The following TMEM61 variants were observed in gnomAD, a reference collection of about 807,000 sequenced individuals.
The protein encoded by TMEM61 is transmembrane protein 61.
In TMEM61, 13 loss-of-function variants were observed where a neutral mutation model predicts 12.0. The ratio of observed to expected loss-of-function variants is 1.08; its 90% CI spans 0.70 to 1.72. The LOEUF (loss-of-function observed/expected upper bound fraction) is 1.72, where lower values mean the gene tolerates loss of function less well. Among genes scored for constraint, TMEM61 ranks in the 40% most tolerant of loss-of-function variants. The pLI, the probability that TMEM61 is intolerant of heterozygous loss-of-function variation, is 0.00. For missense variants in TMEM61, 249 were observed against 276.9 expected, an observed-to-expected ratio of 0.90 and a Z score of 0.71; for synonymous variants, 109 against 121.4, an observed-to-expected ratio of 0.90 and a Z score of 0.67.
chr1:54,986,490 G>A (rs967626772), intron 2 of TMEM61, 44 bp downstream of exon 2: 2 of 1,471,274 alleles, frequency 1.4e-6, no homozygotes, highest in Middle Eastern at 2.2e-4. Context: ...CTGCAGGTAG[G>A]GGCCCAGTCA....
intron 2 of TMEM61, among the ~76,000 whole-genome samples, chr1:54,990,664 G>A (rs567870309): frequency 7.0e-4 from 106 of 152,106 alleles, no homozygotes; most frequent in Non-Finnish European, 1.2e-3. Flanking sequence ...CAGCCTTGTG[G>A]GGCCTGCCAT....
chr1:54,980,942 C>T lies in TMEM61; in HGVS notation c.-124C>T, dbSNP rs1385788302. On this transcript the variant is annotated 5_prime_UTR_variant, in exon 1 of 3. Transcript: ENST00000371268. ...CAGGCCCCTCCGCCCCTAACACCCGCGCCTCCTGCAGACCCGAGGGTCGCC... is the reference window on the plus strand; with the variant it reads ...CAGGCCCCTCCGCCCCTAACACCCGTGCCTCCTGCAGACCCGAGGGTCGCC... 7 of 1,062,880 alleles carry T rather than the reference C, an allele frequency of 6.6e-6. No homozygotes were observed. Among genetic ancestry groups the T allele is most frequent in the Admixed American group, 3.0e-5 (1 of 33,554 alleles). 65.8% of individuals were successfully genotyped at this position (1,062,880 alleles called of 1,614,324 possible). A position where few individuals can be genotyped will look rare whatever the true frequency, so the allele number is the denominator to read the frequency against.
intron 1 of TMEM61, among the ~76,000 whole-genome samples, chr1:54,982,880 A>C (rs1187143063): frequency 6.6e-6 from 1 of 152,154 alleles, no homozygotes; most frequent in Non-Finnish European, 1.5e-5. Flanking sequence ...TAGTGGCCAC[A>C]GTGTCTTTAG....
intron 2 of TMEM61, among the ~76,000 whole-genome samples, chr1:54,991,553 G>C (rs543601721): frequency 2.8e-4 from 43 of 152,276 alleles, no homozygotes; most frequent in African/African-American, 9.9e-4. Context: ...ACTGCCCTAG[G>C]GTAGGACTTA....
Position 54,982,912 on chromosome 1 carries a change from T to C in TMEM61, c.15+1832T>C, listed in dbSNP as rs2101631488. Among the ~76,000 whole-genome samples, 2 of 152,104 alleles carry C rather than the reference T, an allele frequency of 1.3e-5. 1 individual carries two copies. The highest frequency in any genetic ancestry group is 6.8e-3 in the Middle Eastern group (2 of 294). On this transcript the variant is annotated intron_variant, in intron 1 of 2. Coordinates refer to ENST00000371268, the MANE Select transcript of TMEM61 (RefSeq NM_182532.3). ...TTAGGACACAGTGCTGTTGTGGGGA[T>C]TAAGTGAGGGGACACCTGTAAAGTC...
intron 1 of TMEM61, among the ~76,000 whole-genome samples, chr1:54,985,634 A>G (rs1335546926): frequency 6.6e-6 from 1 of 152,214 alleles, no homozygotes; most frequent in Non-Finnish European, 1.5e-5. Flanking sequence ...GGGTCTCGGT[A>G]TCTTCCTCTA....
Position 54,986,340 on chromosome 1 carries a change from T to A in TMEM61, c.259T>A (p.Trp87Arg), listed in dbSNP as rs1644259545. The change falls in exon 2 of 3, where the codon TGG (tryptophan) becomes AGG (arginine). Residue 87 changes from tryptophan (W) to arginine (R), a missense_variant. Physicochemically the swap from Trp to Arg is moderately radical, Grantham distance 101 (BLOSUM62 -3). Transcript: ENST00000371268. ...CCTGCTGCTGCTCATTGGCCTGCTG[T>A]GGTCCGTCAAGGCCAGCATCCCAGG... Reference protein sequence around the residue: ...GGLLLLIGLLWSVKASIPGPP... With the variant: ...GGLLLLIGLLRSVKASIPGPP... 6.2e-7 allele frequency: 1 copy of A among 1,613,940 alleles called. No individual in the cohort carries two copies. The highest frequency in any genetic ancestry group is 8.5e-7 in the Non-Finnish European group (1 of 1,180,022).
At chr1:54,989,178 G>A (rs1644279605) in intron 2 of TMEM61, among the ~76,000 whole-genome samples, 1 of 152,304 alleles carries the variant, frequency 6.6e-6, no homozygotes, top group South Asian at 2.1e-4. Flanking sequence ...GAAGACTGAG[G>A]TGAGGAGAGA....
intron 1 of TMEM61, among the ~76,000 whole-genome samples, chr1:54,982,498 A>G (rs1327665839): frequency 6.6e-6 from 1 of 152,200 alleles, no homozygotes; most frequent in Non-Finnish European, 1.5e-5. Flanking sequence ...GTCCCCCAGG[A>G]TGGCAGGTTA....
Position 54,992,250 on chromosome 1 carries a change from C to A in TMEM61, c.*147C>A, listed in dbSNP as rs1644305664. On this transcript the variant is annotated 3_prime_UTR_variant, in exon 3 of 3. Coordinates refer to ENST00000371268, the MANE Select transcript of TMEM61 (RefSeq NM_182532.3). ...TCTATTGCTGTATAACAAACCACCC[C>A]AGAATTTAGTGGCTTAAAATAAATC... The A allele has an allele frequency of 9.3e-6, 9 of 971,878 alleles. No homozygotes were observed. The East Asian group carries it at 2.0e-4, about 22-fold the overall frequency. The allele number at this position is 971,878 out of a possible 1,614,324, so 60.2% of individuals were successfully genotyped here.
intron 1 of TMEM61, among the ~76,000 whole-genome samples, chr1:54,981,486 C>T (rs1023548207): frequency 1.3e-5 from 2 of 152,016 alleles, no homozygotes; most frequent in African/African-American, 4.8e-5. Context: ...GGCATGGTGG[C>T]GGGCGCTTGT....
rs1357808007 is a variant in TMEM61, at chr1:54,986,548, G to T, written c.365+102G>T. ...TGTAATTCCAGCAAATTCTCATGGG[G>T]TTCCTCCTTTGGATCAGGCTTTGCC... On this transcript the variant is annotated intron_variant, in intron 2 of 2. Transcript: ENST00000371268. 7 of 1,079,874 alleles carry T rather than the reference G, an allele frequency of 6.5e-6. No homozygotes were observed. In the East Asian group the frequency reaches 1.2e-4, roughly 19 times the overall value. The allele number at this position is 1,079,874 out of a possible 1,614,324, so 66.9% of individuals were successfully genotyped here. A position where few individuals can be genotyped will look rare whatever the true frequency, so the allele number is the denominator to read the frequency against.
chr1:54,986,379 G>A lies in TMEM61; in HGVS notation c.298G>A (p.Asp100Asn). ...CAGCATCCCAGGGCCACCTCGATGG[G>A]ACCCCTATCACCTCTCCAGAGACCT... ...KASIPGPPRW[D>N]PYHLSRDLYY... Residue 100 changes from aspartate to asparagine, a missense_variant, in exon 2 of 3, where the codon GAC becomes AAC. Physicochemically the swap from Asp to Asn is conservative, Grantham distance 23 (BLOSUM62 1). Transcript: ENST00000371268. 6.2e-7 allele frequency: 1 copy of A among 1,612,622 alleles called. No individual in the cohort carries two copies. The highest frequency in any genetic ancestry group is 8.5e-7 in the Non-Finnish European group (1 of 1,179,028).
intron 2 of TMEM61, 37 bp from the exon 3 acceptor site, chr1:54,991,799 C>G (rs1423475869): frequency 6.2e-7 from 1 of 1,602,886 alleles, no homozygotes; most frequent in South Asian, 1.1e-5. Context: ...AGGGTCTGCC[C>G]CAGCCCCTGC....
rs115218371 is a variant in TMEM61 at position 54,989,550 on chromosome 1, A to G, written c.366-2286A>G. On this transcript the variant is annotated intron_variant, in intron 2 of 2. Coordinates refer to ENST00000371268, the MANE Select transcript of TMEM61 (RefSeq NM_182532.3). ...CCACTGTGGCAGGACTGCCCCACAC[A>G]GCTGCCGAGGCGCCATATCCATGAA... 7.7e-3 allele frequency among the ~76,000 whole-genome samples: 1,180 copies of G among 152,338 alleles called. 17 individuals are homozygous for G. The highest frequency in any genetic ancestry group is 0.027 in the African/African-American group (1,132 of 41,570).
At chr1:54,981,117 C>A in intron 1 of TMEM61, 37 bp downstream of exon 1, 3 of 1,574,770 alleles carry the variant, frequency 1.9e-6, no homozygotes, top group Non-Finnish European at 2.6e-6. Flanking sequence ...TTTACGGGCA[C>A]TCAGCCCCTT....
In TMEM61 at chr1:54,989,860, G is replaced by A. The variant is rs987282950; in HGVS notation, c.366-1976G>A. On this transcript the variant is annotated intron_variant, in intron 2 of 2. Coordinates refer to ENST00000371268, the MANE Select transcript of TMEM61 (RefSeq NM_182532.3). ...GTCCAGGGCTCTAAGTGGGGCTGGA[G>A]CATGGCTGGGAGGTGAGCAGGCAGG... 5.3e-5 allele frequency among the ~76,000 whole-genome samples: 8 copies of A among 152,312 alleles called. No individual in the cohort carries two copies. In the East Asian group the frequency reaches 1.5e-3, roughly 29 times the overall value.
rs531445382 is a variant in TMEM61, at chr1:54,990,416, C to T, written c.366-1420C>T. Among the ~76,000 whole-genome samples the T allele has an allele frequency of 4.6e-5, 7 of 152,190 alleles. No individual in the cohort carries two copies. In the East Asian group the frequency reaches 5.8e-4, roughly 13 times the overall value. ...GCAGTGGGCCGAGAAGACACATTGCCGGAGAAAGTCCAGGTCCCCGGTGGG... is the reference window on the plus strand; with the variant it reads ...GCAGTGGGCCGAGAAGACACATTGCTGGAGAAAGTCCAGGTCCCCGGTGGG... On this transcript the variant is annotated intron_variant, in intron 2 of 2. Coordinates refer to ENST00000371268, the MANE Select transcript of TMEM61 (RefSeq NM_182532.3).
At chr1:54,988,695 A>C (rs778364442) in intron 2 of TMEM61, among the ~76,000 whole-genome samples, 1 of 152,158 alleles carries the variant, frequency 6.6e-6, no homozygotes, top group Non-Finnish European at 1.5e-5. Context: ...TTCCCCGTTT[A>C]TTCATCTACT....
Sources: allele counts gnomAD v4.1 joint callset (sites outside exome capture counted in the v4.1 genomes callset), GRCh38; gene constraint gnomAD v4.1.1; transcripts MANE v1.5; gene names NCBI Gene and HGNC (gene_info 2026-07-23, HGNC 2026-07-21).